Variants in NEK3 observed in about 807,000 individuals in gnomAD.
NEK3 encodes the protein serine/threonine-protein kinase Nek3.
In NEK3, 54 loss-of-function variants were observed where a neutral mutation model predicts 66.0. The observed-to-expected ratio is 0.82, with a 90% confidence interval of 0.66 to 1.03. The LOEUF (loss-of-function observed/expected upper bound fraction) is 1.03. Ranked by LOEUF, NEK3 falls within the 50% of genes least tolerant of loss-of-function variation. The pLI is 0.00. For synonymous variants in NEK3, 200 were observed against 206.2 expected (o/e 0.97, Z 0.26); for missense variants, 593 against 603.0 (o/e 0.98, Z 0.17).
rs1566861062 is a variant in NEK3 at position 52,152,698 on chromosome 13, AG to A, written c.310-7del. ...TGGGTAAACCAATTAAGTATCTGTA[AG>A]AAAAAGGTATGCAAAATCTTCAAGA... On this transcript the variant is annotated splice_region_variant and splice_polypyrimidine_tract_variant and intron_variant, in intron 4 of 15. Transcript: ENST00000610828. 1 of 1,591,384 alleles carries A rather than the reference AG, an allele frequency of 6.3e-7. No individual in the cohort carries two copies. Among genetic ancestry groups the A allele is most frequent in the Non-Finnish European group, 8.6e-7 (1 of 1,163,860 alleles).
At chr13:52,141,889 G>A (rs1197812988) in intron 10 of NEK3, among the ~76,000 whole-genome samples, 2 of 149,570 alleles carry the variant, frequency 1.3e-5, no homozygotes, top group Non-Finnish European at 3.0e-5. Context: ...AGACCAGCCT[G>A]CTCAACATGG....
At chr13:52,148,394 C>T in intron 8 of NEK3, 21 bp downstream of exon 8, 1 of 1,611,272 alleles carries the variant, frequency 6.2e-7, no homozygotes, top group Non-Finnish European at 8.5e-7. Context: ...CTGCCTTTTC[C>T]ATTTTGCACG....
At chr13:52,134,797 T>G (rs779917774) in intron 14 of NEK3, among the ~76,000 whole-genome samples, 5 of 152,210 alleles carry the variant, frequency 3.3e-5, no homozygotes, top group Non-Finnish European at 7.3e-5. Context: ...CCTTAGGGCT[T>G]CCATGATCTT....
Position 52,144,855 on chromosome 13 carries a change from C to CT in NEK3, c.639dup (p.Val214SerfsTer16). ...AGTGGACTGATGCACCCTTGACATA[C>CT]TTTGAGGATAAGATTTTTCCAACTA... On this transcript the variant is annotated frameshift_variant, in exon 9 of 16. Transcript: ENST00000610828. LOFTEE classifies it high-confidence loss of function. 1 of 1,610,718 alleles carries CT rather than the reference C, an allele frequency of 6.2e-7. No homozygotes were observed. The highest frequency in any genetic ancestry group is 1.1e-5 in the South Asian group (1 of 90,366).
At chr13:52,133,646 C>CACA (rs56222741) in intron 15 of NEK3, 43 bp downstream of exon 15, 3 of 1,538,446 alleles carry the variant, frequency 2.0e-6, no homozygotes, top group Admixed American at 2.0e-5. Context: ...CACACACACA[C>CACA]CCCCAACCCC....
chr13:52,133,218 T>C lies in NEK3; in HGVS notation c.1445A>G (p.Glu482Gly). The change falls in exon 16 of 16, where the codon GAG (glutamate) becomes GGG (glycine). Residue 482 changes from glutamate to glycine, a missense_variant. Glu to Gly is a moderately conservative substitution (Grantham distance 98). Transcript: ENST00000610828. ...CCAGTCGGGGTTGTCATCTTCCTCCTCAAAGTCCCTGTGAAAAAACAATTT... is the reference window on the plus strand; with the variant it reads ...CCAGTCGGGGTTGTCATCTTCCTCCCCAAAGTCCCTGTGAAAAAACAATTT... ...PGLDEEDTDF[E>G]EEDDNPDWVS... 2 of 1,605,564 alleles carry C rather than the reference T, an allele frequency of 1.2e-6. No homozygotes were observed. The highest frequency in any genetic ancestry group is 1.7e-6 in the Non-Finnish European group (2 of 1,176,138).
chr13:52,152,807 G>T, intron 4 of NEK3, 115 bp from the exon 5 acceptor site: 1 of 605,348 alleles, frequency 1.7e-6, no homozygotes, highest in Non-Finnish European at 2.9e-6. Flanking sequence ...CGTAATGTGA[G>T]TACAGAACTC....
intron 13 of NEK3, 116 bp downstream of exon 13, chr13:52,136,000 T>G (rs2296348): frequency 0.56 from 827,694 of 1,482,356 alleles, 238,159 homozygotes; most frequent in Non-Finnish European, 0.6. Flanking sequence ...GTATGAGCAA[T>G]GCTCTGATGT....
rs751167959 is a variant in NEK3, at chr13:52,135,869, T to C, written c.1175-6A>G. 2 of 1,605,896 alleles carry C rather than the reference T, an allele frequency of 1.2e-6. No individual in the cohort carries two copies. The highest frequency in any genetic ancestry group is 1.7e-6 in the Non-Finnish European group (2 of 1,177,918). The stretch of plus-strand genomic sequence containing the variant: ...GTACTTTATTACAGAACCACCTAGT[T>C]GCAAAAAGACAAAAATTAGTGCTGA... On this transcript the variant is annotated splice_region_variant and splice_polypyrimidine_tract_variant and intron_variant, in intron 13 of 15. Coordinates refer to ENST00000610828, the MANE Select transcript of NEK3 (RefSeq NM_002498.3).
Position 52,152,696 on chromosome 13 carries a change from T to G in NEK3, c.310-4A>C, listed in dbSNP as rs760898593. ...TTTGGGTAAACCAATTAAGTATCTG[T>G]AAGAAAAAGGTATGCAAAATCTTCA... On this transcript the variant is annotated splice_region_variant and splice_polypyrimidine_tract_variant and intron_variant, in intron 4 of 15. Coordinates refer to ENST00000610828, the MANE Select transcript of NEK3 (RefSeq NM_002498.3). 6.3e-7 allele frequency: 1 copy of G among 1,598,546 alleles called. No homozygotes were observed. Among genetic ancestry groups the G allele is most frequent in the Non-Finnish European group, 8.5e-7 (1 of 1,169,628 alleles).
At chr13:52,152,809 A>G (rs561701583) in intron 4 of NEK3, 117 bp from the exon 5 acceptor site, 12 of 602,090 alleles carry the variant, frequency 2.0e-5, no homozygotes, top group Middle Eastern at 7.7e-4. Flanking sequence ...TAATGTGAGT[A>G]CAGAACTCCT....
Position 52,133,198 on chromosome 13 carries a change from C to CG in NEK3, c.1464dup (p.Asp489ArgfsTer56). On this transcript the variant is annotated frameshift_variant, in exon 16 of 16. Transcript: ENST00000610828. LOFTEE classifies it high-confidence loss of function. ...CGCTTCTTCAGCTCTGACACCCAGT[C>CG]GGGGTTGTCATCTTCCTCCTCAAAG... is the stretch of plus-strand genomic sequence containing the variant. 1 of 1,609,492 alleles carries CG rather than the reference C, an allele frequency of 6.2e-7. No individual in the cohort carries two copies. The highest frequency in any genetic ancestry group is 8.5e-7 in the Non-Finnish European group (1 of 1,178,036).
At chr13:52,155,548 CT>C (rs1427353298) in intron 2 of NEK3, among the ~76,000 whole-genome samples, 2 of 152,194 alleles carry the variant, frequency 1.3e-5, no homozygotes, top group Non-Finnish European at 2.9e-5. Context: ...AAAACTTTTA[CT>C]GTTTTTCTCC....
At chr13:52,156,861 T>C (rs148098750) in intron 1 of NEK3, 1 of 152,368 alleles carries the variant, frequency 6.6e-6, no homozygotes, top group Admixed American at 6.5e-5. Context: ...TCCTCCCCTA[T>C]ACTACATACA....
At position 52,144,742 on chromosome 13, in the gene NEK3, A is replaced by G. The variant is rs1250022710; in HGVS notation, c.753T>C (p.Leu251=). 1 of 1,613,928 alleles carries G rather than the reference A, an allele frequency of 6.2e-7. No individual in the cohort carries two copies. Among genetic ancestry groups the G allele is most frequent in the South Asian group, 1.1e-5 (1 of 91,074 alleles). The change falls in exon 9 of 16, where the codon CTT becomes CTC. Residue 251 remains leucine (L), a synonymous_variant. Transcript: ENST00000610828. ...GCCGAGCTACGATGCCTCGAGAGAG[A>G]AGCGTTGTAGCCGAGGGGCGATGTG... ...NPSHRPSATT[L]LSRGIVARLV...
Position 52,154,065 on chromosome 13 carries a change from G to T in NEK3, c.211+15C>A, listed in dbSNP as rs1446055886. 1.2e-6 allele frequency: 2 copies of T among 1,605,020 alleles called. No homozygotes were observed. Among genetic ancestry groups the T allele is most frequent in the African/African-American group, 2.7e-5 (2 of 74,656 alleles). On this transcript the variant is annotated intron_variant, in intron 3 of 15. Coordinates refer to ENST00000610828, the MANE Select transcript of NEK3 (RefSeq NM_002498.3). ...AAATTCAGAAATGCACATATCTGGG[G>T]GAATTCGTATTTACCTTCAAATGAT...
chr13:52,133,630 CACACACACACACACA>C (rs1956175257), intron 15 of NEK3, 44 bp downstream of exon 15: 3 of 1,460,220 alleles, frequency 2.1e-6, no homozygotes, highest in South Asian at 2.6e-5. Flanking sequence ...CACACACACA[CACACACACACACACA>C]CCCCCAACCC....
Position 52,144,036 on chromosome 13 carries a change from T to C in NEK3, c.805-49A>G, listed in dbSNP as rs116810428. ...AGAGATGTGAAAACATACTTTTCTA[T>C]AGATACTGCCGTGATGTCATTTCAT... is the stretch of plus-strand genomic sequence containing the variant. On this transcript the variant is annotated intron_variant, in intron 9 of 15. Transcript: ENST00000610828. 620 of 1,014,030 alleles carry C rather than the reference T, an allele frequency of 6.1e-4. 3 individuals are homozygous for C. In the African/African-American group the frequency reaches 8.2e-3, roughly 13 times the overall value. 62.8% of individuals were successfully genotyped at this position (1,014,030 alleles called of 1,614,324 possible). A position where few individuals can be genotyped will look rare whatever the true frequency, so the allele number is the denominator to read the frequency against.
chr13:52,154,211 G>A (rs1278625752), intron 2 of NEK3, 38 bp from the exon 3 acceptor site: 34 of 1,267,126 alleles, frequency 2.7e-5, no homozygotes, highest in Non-Finnish European at 3.8e-5. Context: ...ACTTAATACT[G>A]CATTTTAAAA....
Sources: gnomAD v4.1 joint callset for allele counts (sites outside exome capture counted in the v4.1 genomes callset) on GRCh38, gnomAD v4.1.1 for gene constraint, MANE v1.5 for transcripts, NCBI Gene and HGNC (gene_info 2026-07-23, HGNC 2026-07-21) for gene names.